Variants in IFI16 observed in about 807,000 individuals in gnomAD.
The protein encoded by IFI16 is gamma-interferon-inducible protein 16.
Under a neutral mutation model 68.4 loss-of-function variants are expected in IFI16, and 49 were observed. That is an observed-to-expected ratio of 0.72 (90% CI 0.57 to 0.91). The LOEUF is 0.91. Among genes scored for constraint, IFI16 ranks in the 40% least tolerant of loss-of-function variants. IFI16 has a pLI of 0.00. For missense variants in IFI16, 878 were observed against 942.9 expected, an observed-to-expected ratio of 0.93 and a Z score of 0.90; for synonymous variants, 307 against 315.0, an observed-to-expected ratio of 0.97 and a Z score of 0.27.
At chr1:159,027,632 G>A (rs1177227357) in intron 6 of IFI16, among the ~76,000 whole-genome samples, 1 of 152,132 alleles carries the variant, frequency 6.6e-6, no homozygotes, top group Non-Finnish European at 1.5e-5. Context: ...ATGTCTGATA[G>A]AATTTAGCTG....
upstream of IFI16, among the ~76,000 whole-genome samples, chr1:159,003,945 C>A (rs1048332388): frequency 1.3e-5 from 2 of 152,110 alleles, no homozygotes; most frequent in Admixed American, 6.5e-5. Flanking sequence ...CAGGCGTGAG[C>A]CACCGCGCCC....
At chr1:159,015,039 GT>G in intron 2 of IFI16, 94 bp downstream of exon 2, 1 of 1,215,902 alleles carries the variant, frequency 8.2e-7, no homozygotes, top group Non-Finnish European at 1.2e-6. Context: ...CTTGAGATGT[GT>G]TTTCCCCAGT....
exon 1 of IFI16, chr1:159,000,200 C>T: frequency 8.2e-6 from 2 of 244,592 alleles, no homozygotes; most frequent in Non-Finnish European, 8.7e-6. Flanking sequence ...ATGCAGTTTG[C>T]CTGTGGCAAT....
chr1:159,025,827 C>T (rs998618024), intron 6 of IFI16, among the ~76,000 whole-genome samples: 8 of 152,132 alleles, frequency 5.3e-5, no homozygotes, highest in Non-Finnish European at 1.0e-4. Flanking sequence ...GTTCTTGATC[C>T]ATCTTGAGTT....
upstream of IFI16, among the ~76,000 whole-genome samples, chr1:159,005,183 C>T (rs1652209514): frequency 6.6e-6 from 1 of 152,166 alleles, no homozygotes. Context: ...CTTGGACTTC[C>T]ACCTCAAGTA....
At position 159,020,552 on chromosome 1, in the gene IFI16, T is replaced by G. The variant is rs754982221; in HGVS notation, c.1161+23T>G. 2.6e-6 allele frequency: 4 copies of G among 1,532,520 alleles called. No individual in the cohort carries two copies. The East Asian group carries it at 9.1e-5, about 35-fold the overall frequency. The allele number at this position is 1,532,520 out of a possible 1,614,324, so 94.9% of individuals were successfully genotyped here. On this transcript the variant is annotated intron_variant, in intron 6 of 11. Coordinates refer to ENST00000295809, the MANE Select transcript of IFI16 (RefSeq NM_001376587.1). The stretch of plus-strand genomic sequence containing the variant: ...CAGGTAAGAATTAAATAGGCAAATA[T>G]TAGTTTTCCAAAGTGGAAATGATTT...
chr1:159,021,373 C>T (rs1653304446), intron 6 of IFI16, among the ~76,000 whole-genome samples: 1 of 152,180 alleles, frequency 6.6e-6, no homozygotes, highest in African/African-American at 2.4e-5. Context: ...TCCTGAGTTA[C>T]TTCACTTAGA....
chr1:159,018,260 C>T lies in IFI16; in HGVS notation c.581C>T (p.Thr194Ile). 1 of 1,613,926 alleles carries T rather than the reference C, an allele frequency of 6.2e-7. No individual in the cohort carries two copies. The highest frequency in any genetic ancestry group is 8.5e-7 in the Non-Finnish European group (1 of 1,179,884). Residue 194 changes from threonine to isoleucine, a missense_variant, in exon 5 of 12, where the codon ACT becomes ATT. Around this residue, in one of 4 missense-constraint regions of IFI16, gnomAD observed 443 missense variants for 421.8 expected, o/e 1.05. Transcript: ENST00000295809. The stretch of plus-strand genomic sequence containing the variant: ...AAAACAGTGGCCAAATGTCAGGTAA[C>T]TCCCAGAAGAAATGTTCTCCAAAAA... ...NPKTVAKCQV[T>I]PRRNVLQKRP...
intron 6 of IFI16, among the ~76,000 whole-genome samples, chr1:159,021,998 C>G (rs79652104): frequency 0.024 from 2,613 of 110,584 alleles, 109 homozygotes; most frequent in African/African-American, 0.084. Flanking sequence ...GAGTCTTGCT[C>G]TTTTGCCCAG....
Position 159,054,952 on chromosome 1 carries a change from T to A in IFI16, c.*51T>A. The A allele has an allele frequency of 2.1e-6, 2 of 967,146 alleles. No homozygotes were observed. Among genetic ancestry groups the A allele is most frequent in the Non-Finnish European group, 3.3e-6 (2 of 612,098 alleles). 59.9% of individuals were successfully genotyped at this position (967,146 alleles called of 1,614,324 possible). A position where few individuals can be genotyped will look rare whatever the true frequency, so the allele number is the denominator to read the frequency against. The stretch of plus-strand genomic sequence containing the variant: ...TTTATGGAGATAAGGTCTAAGTGCC[T>A]AAAAAAATGTACATATACCTGGTTG... On this transcript the variant is annotated 3_prime_UTR_variant, in exon 12 of 12. Coordinates refer to ENST00000295809, the MANE Select transcript of IFI16 (RefSeq NM_001376587.1).
At position 159,018,481 on chromosome 1, in the gene IFI16, G is replaced by A; in HGVS notation, c.802G>A (p.Asp268Asn). 2.5e-6 allele frequency: 4 copies of A among 1,613,950 alleles called. No individual in the cohort carries two copies. Among genetic ancestry groups the A allele is most frequent in the Admixed American group, 1.7e-5 (1 of 60,034 alleles). The change falls in exon 5 of 12, where the codon GAT becomes AAT. Residue 268 changes from aspartate to asparagine, a missense_variant. By Grantham distance (23) the Asp-to-Asn change is conservative. Transcript: ENST00000295809. The part of the protein sequence containing the change: ...IIIISDYLEY[D>N]SLLEVNEEST... ...CATCATATCAGATTATTTGGAATAT[G>A]ATAGTCTCCTAGAGGTCAATGAAGA...
In IFI16 at chr1:159,053,627, G is replaced by A. The variant is rs1655496047; in HGVS notation, c.2180G>A (p.Cys727Tyr). The part of the protein sequence containing the change: ...VVHGRLTTIN[C>Y]EEGDKLKLTC... ...CATGGACGACTGACCACAATCAACT[G>A]TGAGGAAGGAGATAAACTGAAACTC... The change falls in exon 11 of 12, where the codon TGT becomes TAT. Residue 727 changes from cysteine (C) to tyrosine (Y), a missense_variant. Physicochemically the swap from Cys to Tyr is radical, Grantham distance 194. Around this residue, in one of 4 missense-constraint regions of IFI16, gnomAD observed 311 missense variants for 305.1 expected, o/e 1.02. Transcript: ENST00000295809. 1.2e-6 allele frequency: 2 copies of A among 1,613,824 alleles called. No homozygotes were observed. The highest frequency in any genetic ancestry group is 1.3e-5 in the African/African-American group (1 of 74,916).
Position 159,051,938 on chromosome 1 carries a change from T to C in IFI16, c.1925T>C (p.Leu642Pro). The C allele has an allele frequency of 6.2e-7, 1 of 1,614,146 alleles. No individual in the cohort carries two copies. The highest frequency in any genetic ancestry group is 8.5e-7 in the Non-Finnish European group (1 of 1,179,976). The change falls in exon 10 of 12, where the codon CTG becomes CCG. Residue 642 changes from leucine to proline, a missense_variant. Around this residue, in one of 4 missense-constraint regions of IFI16, gnomAD observed 311 missense variants for 305.1 expected, o/e 1.02. Transcript: ENST00000295809. ...AATTATGTTTGCCGCAATGGGTTCCTGGAGGTATATCCTTTCACACTTGTG... is the reference window on the plus strand; with the variant it reads ...AATTATGTTTGCCGCAATGGGTTCCCGGAGGTATATCCTTTCACACTTGTG... ...IANYVCRNGF[L>P]EVYPFTLVAD...
chr1:159,035,072 C>T (rs1051329809), intron 7 of IFI16, among the ~76,000 whole-genome samples: 2 of 152,204 alleles, frequency 1.3e-5, no homozygotes, highest in Non-Finnish European at 2.9e-5. Context: ...AAGCCCCAAG[C>T]TGTATTCTGA....
chr1:159,023,080 A>G (rs1653436432), intron 6 of IFI16, among the ~76,000 whole-genome samples: 1 of 152,200 alleles, frequency 6.6e-6, no homozygotes, highest in South Asian at 2.1e-4. Flanking sequence ...TAAGTACACC[A>G]ATAACAAGAG....
intron 6 of IFI16, among the ~76,000 whole-genome samples, chr1:159,024,595 C>T (rs1557869102): frequency 6.6e-6 from 1 of 152,132 alleles, no homozygotes; most frequent in Admixed American, 6.5e-5. Context: ...AAAATCGATG[C>T]CTTGGCTGCA....
intron 5 of IFI16, among the ~76,000 whole-genome samples, chr1:159,019,511 C>T (rs856047): frequency 0.94 from 141,778 of 151,446 alleles, 66,378 homozygotes; most frequent in East Asian, 1. Context: ...CAGGTTGGAG[C>T]GCAGTGGCGC....
chr1:159,014,983 T>C, intron 2 of IFI16, 38 bp downstream of exon 2: 2 of 1,543,144 alleles, frequency 1.3e-6, no homozygotes, highest in African/African-American at 1.4e-5. Context: ...CCTGCAACCA[T>C]CCCCAAACCC....
In IFI16 at chr1:159,054,974, G is replaced by A; in HGVS notation, c.*73G>A. The A allele has an allele frequency of 1.3e-6, 1 of 775,722 alleles. No individual in the cohort carries two copies. The highest frequency in any genetic ancestry group is 2.2e-6 in the Non-Finnish European group (1 of 450,556). The allele number at this position is 775,722 out of a possible 1,614,324, so 48.1% of individuals were successfully genotyped here. ...GCCTAAAAAAATGTACATATACCTG[G>A]TTGAAATACAACACTATACATACAC... On this transcript the variant is annotated 3_prime_UTR_variant, in exon 12 of 12. Transcript: ENST00000295809.
Sources: allele counts gnomAD v4.1 joint callset (sites outside exome capture counted in the v4.1 genomes callset), GRCh38; gene constraint gnomAD v4.1.1; regional missense constraint gnomAD v4.1.1; transcripts MANE v1.5; gene names NCBI Gene and HGNC (gene_info 2026-07-23, HGNC 2026-07-21).